Variants in SLC4A4 observed in about 807,000 individuals in gnomAD.
SLC4A4 encodes electrogenic sodium bicarbonate cotransporter 1.
A neutral mutation model predicts 111.5 loss-of-function variants in SLC4A4; 27 were observed. The ratio of observed to expected loss-of-function variants is 0.24; its 90% CI spans 0.18 to 0.33. The LOEUF is 0.33. Among genes scored for constraint, SLC4A4 ranks in the 10% least tolerant of loss-of-function variants. The probability of loss-of-function intolerance (pLI) is 1.00; values close to 1 mark genes in which losing one functional copy is unlikely to be tolerated. For missense variants in SLC4A4, 909 were observed against 1,315.5 expected (o/e 0.69, Z 4.78); for synonymous variants, 443 against 463.4 (o/e 0.96, Z 0.57).
chr4:71,105,248 A>T (rs1262497668), intron 2 of SLC4A4, among the ~76,000 whole-genome samples: 1 of 150,244 alleles, frequency 6.7e-6, no homozygotes, highest in Non-Finnish European at 1.5e-5. Context: ...AGAACTACAA[A>T]CCACTGCTCA....
At chr4:71,422,616 G>A (rs1254196647) in intron 7 of SLC4A4, among the ~76,000 whole-genome samples, 6 of 151,866 alleles carry the variant, frequency 4.0e-5, no homozygotes, top group Admixed American at 3.9e-4. Context: ...AAATCCAGCA[G>A]CACATCAAAA....
At chr4:71,136,618 C>T (rs532613675) in intron 2 of SLC4A4, among the ~76,000 whole-genome samples, 4 of 152,196 alleles carry the variant, frequency 2.6e-5, no homozygotes, top group South Asian at 4.2e-4. Context: ...TGCTGTCAGA[C>T]GAACTGATTT....
intron 5 of SLC4A4, among the ~76,000 whole-genome samples, chr4:71,350,522 T>C (rs990516834): frequency 2.0e-5 from 3 of 152,158 alleles, no homozygotes; most frequent in Admixed American, 6.5e-5. Context: ...GGATTACAGG[T>C]ACCTGCCACT....
At chr4:71,105,244 A>G (rs1486244891) in intron 2 of SLC4A4, among the ~76,000 whole-genome samples, 1 of 150,352 alleles carries the variant, frequency 6.7e-6, no homozygotes, top group Non-Finnish European at 1.5e-5. Context: ...AAGGAGAACT[A>G]CAAACCACTG....
At chr4:71,501,659 TTTTG>T (rs972983238) in intron 16 of SLC4A4, among the ~76,000 whole-genome samples, 45 of 151,452 alleles carry the variant, frequency 3.0e-4, no homozygotes, top group Non-Finnish European at 1.2e-4. Context: ...AGTTAATATT[TTTTG>T]TTTGTTTGTT....
intron 14 of SLC4A4, 86 bp from the exon 15 acceptor site, chr4:71,486,862 C>G: frequency 1.3e-6 from 1 of 785,314 alleles, no homozygotes; most frequent in Non-Finnish European, 2.2e-6. Flanking sequence ...ACTGTATAAC[C>G]CTGCTTTTAA....
At chr4:71,082,140 T>G (rs1183079870) in intron 1 of SLC4A4, among the ~76,000 whole-genome samples, 2 of 152,064 alleles carry the variant, frequency 1.3e-5, no homozygotes, top group African/African-American at 4.8e-5. Context: ...ATTTAATTAT[T>G]TTCCCAGGAG....
intron 2 of SLC4A4, among the ~76,000 whole-genome samples, chr4:71,238,917 T>G (rs970730361): frequency 6.6e-6 from 1 of 152,202 alleles, no homozygotes; most frequent in South Asian, 2.1e-4. Flanking sequence ...TTCCAGTGAT[T>G]GAGAATGAAG....
chr4:71,563,808 T>G lies in SLC4A4; in HGVS notation c.3115T>G (p.Ser1039Ala), dbSNP rs781702911. ...TTTTTCACAGTCTGACTGCCCATAC[T>G]CAGAAAAAGTTCCAAGTATTAAAAT... ...SDNDDSDCPY[S>A]EKVPSIKIPM... Residue 1039 changes from serine (S) to alanine (A), a missense_variant, in exon 24 of 26, where the codon TCA (serine) becomes GCA (alanine). Coordinates refer to ENST00000264485, the MANE Select transcript of SLC4A4 (RefSeq NM_001098484.3). 1.6e-5 allele frequency: 26 copies of G among 1,608,992 alleles called. No homozygotes were observed. Among genetic ancestry groups the G allele is most frequent in the Non-Finnish European group, 1.7e-6 (2 of 1,176,182 alleles).
intron 3 of SLC4A4, among the ~76,000 whole-genome samples, chr4:71,337,808 T>A (rs200225256): frequency 3.4e-4 from 50 of 148,910 alleles, no homozygotes; most frequent in Middle Eastern, 3.4e-3. Flanking sequence ...TTTTTTTTTT[T>A]ATTTTTGACA....
intron 1 of SLC4A4, among the ~76,000 whole-genome samples, chr4:71,234,164 C>G (rs1387034901): frequency 6.6e-6 from 1 of 152,214 alleles, no homozygotes; most frequent in Non-Finnish European, 1.5e-5. Context: ...TCATGTGAAC[C>G]ACCCTGTGCC....
At chr4:71,555,105 T>C (rs764496563) in intron 20 of SLC4A4, 35 bp from the exon 21 acceptor site, 1 of 1,426,804 alleles carries the variant, frequency 7.0e-7, no homozygotes, top group South Asian at 1.1e-5. Flanking sequence ...TTTCTTGTTA[T>C]CATTTTTAAG....
intron 1 of SLC4A4, among the ~76,000 whole-genome samples, chr4:71,233,844 T>C (rs1719613516): frequency 6.6e-6 from 1 of 152,152 alleles, no homozygotes; most frequent in Admixed American, 6.5e-5. Context: ...GCCAGGGTAA[T>C]CTTTTAAAAA....
chr4:71,125,262 GA>G (rs1743530420), intron 2 of SLC4A4, among the ~76,000 whole-genome samples: 1 of 152,194 alleles, frequency 6.6e-6, no homozygotes, highest in South Asian at 2.1e-4. Context: ...TTCATGGTGT[GA>G]AAACTTTGTA....
intron 15 of SLC4A4, among the ~76,000 whole-genome samples, chr4:71,491,952 T>TTTA (rs967125237): frequency 2.6e-5 from 4 of 151,486 alleles, no homozygotes; most frequent in African/African-American, 4.8e-5. Context: ...AATTATTATT[T>TTTA]TTATTATTAT....
At chr4:71,567,741 A>T in intron 25 of SLC4A4, 47 bp from the exon 26 acceptor site, 2 of 882,248 alleles carry the variant, frequency 2.3e-6, no homozygotes. Flanking sequence ...ACAGATGATG[A>T]AGGAAATCTG....
intron 2 of SLC4A4, among the ~76,000 whole-genome samples, chr4:71,116,457 C>T (rs569771289): frequency 2.0e-5 from 3 of 152,318 alleles, no homozygotes; most frequent in East Asian, 3.9e-4. Context: ...TACAGCCACA[C>T]AATGCTTAAA....
intron 18 of SLC4A4, among the ~76,000 whole-genome samples, chr4:71,534,997 T>A (rs1160585640): frequency 6.6e-6 from 1 of 152,188 alleles, no homozygotes; most frequent in African/African-American, 2.4e-5. Context: ...AAAATGCTCT[T>A]ACTTTATATA....
chr4:71,493,648 T>TC (rs1491135775), intron 15 of SLC4A4, among the ~76,000 whole-genome samples: 53 of 150,166 alleles, frequency 3.5e-4, no homozygotes, highest in African/African-American at 1.1e-3. Flanking sequence ...TCTCTCTGTC[T>TC]TTCTCTCTCT....
Sources: allele counts gnomAD v4.1 joint callset (sites outside exome capture counted in the v4.1 genomes callset), GRCh38; gene constraint gnomAD v4.1.1; transcripts MANE v1.5; gene names NCBI Gene and HGNC (gene_info 2026-07-23, HGNC 2026-07-21).